BCAS3: variants seen among roughly 807,000 people sequenced by gnomAD.
The protein encoded by BCAS3 is BCAS3 microtubule associated cell migration factor, also known as BCAS4/BCAS3 fusion.
BCAS3 carries 53 observed loss-of-function variants against 116.1 expected under a neutral mutation model. The observed-to-expected ratio is 0.46, with a 90% confidence interval of 0.37 to 0.57. The LOEUF (loss-of-function observed/expected upper bound fraction) is 0.57, where lower values mean the gene tolerates loss of function less well. Ranked by LOEUF, BCAS3 falls within the 20% of genes least tolerant of loss-of-function variation. The pLI, the probability that BCAS3 is intolerant of heterozygous loss-of-function variation, is 0.00. For synonymous variants in BCAS3, 391 were observed against 408.2 expected (o/e 0.96, Z 0.51); for missense variants, 917 against 1,165.4 (o/e 0.79, Z 3.10).
chr17:60,858,198 A>C (rs2053843324), intron 7 of BCAS3, among the ~76,000 whole-genome samples: 1 of 152,218 alleles, frequency 6.6e-6, no homozygotes, highest in Non-Finnish European at 1.5e-5. Flanking sequence ...GTTCAGGCTT[A>C]TACAAGATTC....
At chr17:60,890,282 C>T (rs1377112965) in intron 10 of BCAS3, among the ~76,000 whole-genome samples, 6 of 151,742 alleles carry the variant, frequency 4.0e-5, no homozygotes, top group Admixed American at 2.6e-4. Flanking sequence ...GGTGAAACCC[C>T]GTCTCTACTA....
chr17:61,014,393 C>T (rs886799390), intron 15 of BCAS3, among the ~76,000 whole-genome samples: 1 of 151,988 alleles, frequency 6.6e-6, no homozygotes, highest in Admixed American at 6.6e-5. Flanking sequence ...CAATGGAACA[C>T]ATGGATCAAT....
intron 22 of BCAS3, among the ~76,000 whole-genome samples, chr17:61,238,543 A>G (rs2083247754): frequency 6.6e-6 from 1 of 151,980 alleles, no homozygotes; most frequent in African/African-American, 2.4e-5. Context: ...CTGCTTGACC[A>G]ATTCCATCAT....
chr17:60,878,526 G>A (rs1383405681), intron 9 of BCAS3, among the ~76,000 whole-genome samples: 1 of 152,100 alleles, frequency 6.6e-6, no homozygotes, highest in Non-Finnish European at 1.5e-5. Context: ...ATTTCAACAT[G>A]CACTTAATAT....
chr17:60,742,164 T>G (rs1229555485), intron 5 of BCAS3, among the ~76,000 whole-genome samples: 62 of 152,302 alleles, frequency 4.1e-4, no homozygotes, highest in Admixed American at 4.1e-3. Context: ...AATAATCTTT[T>G]CTACAGAGTG....
At chr17:60,823,944 C>T (rs1268371568) in intron 7 of BCAS3, among the ~76,000 whole-genome samples, 7 of 152,052 alleles carry the variant, frequency 4.6e-5, no homozygotes, top group Non-Finnish European at 2.9e-5. Flanking sequence ...TATTGAATGT[C>T]CCCCTGGAAG....
chr17:61,145,259 C>CTGA lies in BCAS3; in HGVS notation c.2425+60698_2425+60700dup, dbSNP rs1256615093. Among the ~76,000 whole-genome samples the CTGA allele has an allele frequency of 2.6e-5, 4 of 152,220 alleles. No individual in the cohort carries two copies. Among genetic ancestry groups the CTGA allele is most frequent in the Admixed American group, 2.6e-4 (4 of 15,270 alleles). ...CTTGTTTCTGCCGTCTTCACCTTTG[C>CTGA]TGATGGTTCTGCAACTCATCACCAG... On this transcript the variant is annotated intron_variant, in intron 22 of 23. Transcript: ENST00000407086. This position sits in a 1 kb window ranked among gnomAD's most constrained non-coding sequence, Gnocchi z 5.0.
chr17:61,096,922 ACTGT>A (rs1462968566), intron 22 of BCAS3, among the ~76,000 whole-genome samples: 2 of 152,218 alleles, frequency 1.3e-5, no homozygotes, highest in Non-Finnish European at 2.9e-5. Flanking sequence ...GCAGTATCAA[ACTGT>A]CTAACATCTG....
chr17:60,789,409 G>A (rs2046562422), intron 6 of BCAS3, among the ~76,000 whole-genome samples: 1 of 152,156 alleles, frequency 6.6e-6, no homozygotes, highest in Non-Finnish European at 1.5e-5. Context: ...TGTTGCGTGG[G>A]AGAGGAGTTG....
At chr17:61,374,234 G>A (rs943091417) in intron 23 of BCAS3, among the ~76,000 whole-genome samples, 5 of 149,118 alleles carry the variant, frequency 3.4e-5, no homozygotes, top group African/African-American at 5.0e-5. Context: ...GCAGTGGCAC[G>A]ATCTCGGCTC....
intron 6 of BCAS3, among the ~76,000 whole-genome samples, chr17:60,804,270 C>T (rs2048079472): frequency 6.6e-6 from 1 of 151,034 alleles, no homozygotes; most frequent in Non-Finnish European, 1.5e-5. Context: ...ATCATAAGGT[C>T]AGGAGTTCGA....
chr17:60,765,140 A>G (rs1413773987), intron 6 of BCAS3, among the ~76,000 whole-genome samples: 1 of 152,068 alleles, frequency 6.6e-6, no homozygotes, highest in African/African-American at 2.4e-5. Context: ...TTGACTCTCT[A>G]TCCACTTTGC....
Position 60,868,747 on chromosome 17 carries a change from C to T in BCAS3, c.584+64C>T, listed in dbSNP as rs1374772444. The T allele has an allele frequency of 4.1e-6, 4 of 970,584 alleles. No homozygotes were observed. In the East Asian group the frequency reaches 1.1e-4, roughly 26 times the overall value. The allele number at this position is 970,584 out of a possible 1,614,324, so 60.1% of individuals were successfully genotyped here. A position where few individuals can be genotyped will look rare whatever the true frequency, so the allele number is the denominator to read the frequency against. ...AACATGCTCTCCTGGGCATGGAGAA[C>T]TCTACCAGTTTCAATGACTAACTTA... is the stretch of plus-strand genomic sequence containing the variant. On this transcript the variant is annotated intron_variant, in intron 8 of 23. Coordinates refer to ENST00000407086, the MANE Select transcript of BCAS3 (RefSeq NM_017679.5).
chr17:61,260,924 T>A (rs2049150671), intron 22 of BCAS3, among the ~76,000 whole-genome samples: 1 of 152,204 alleles, frequency 6.6e-6, no homozygotes, highest in South Asian at 2.1e-4. Context: ...ACTGTTACAG[T>A]TGAAAAGCAA....
chr17:61,257,725 A>G (rs1174209424), intron 22 of BCAS3, among the ~76,000 whole-genome samples: 3 of 152,218 alleles, frequency 2.0e-5, no homozygotes, highest in East Asian at 3.9e-4. Flanking sequence ...AATTCAAAAT[A>G]TGATTCTTCT....
intron 7 of BCAS3, among the ~76,000 whole-genome samples, chr17:60,835,004 A>G (rs1285191864): frequency 6.6e-6 from 1 of 151,936 alleles, no homozygotes; most frequent in African/African-American, 2.4e-5. Context: ...TCATTAACTA[A>G]AATTTTAATG....
chr17:61,375,035 G>T (rs1212519562), intron 23 of BCAS3, among the ~76,000 whole-genome samples: 1 of 152,180 alleles, frequency 6.6e-6, no homozygotes, highest in East Asian at 1.9e-4. Context: ...CTCTTCCAAA[G>T]ATTTCTGTCA....
In BCAS3 at chr17:61,126,306, A is replaced by C. The variant is rs1344467595; in HGVS notation, c.2425+41742A>C. Among the ~76,000 whole-genome samples the C allele has an allele frequency of 6.6e-6, 1 of 152,124 alleles. No individual in the cohort carries two copies. Among genetic ancestry groups the C allele is most frequent in the East Asian group, 1.9e-4 (1 of 5,190 alleles). ...TGAATTTACATATCACCTTGAGAAAATGTGAGGCAATCCTTTACTGAATTG... is the reference window on the plus strand; with the variant it reads ...TGAATTTACATATCACCTTGAGAAACTGTGAGGCAATCCTTTACTGAATTG... On this transcript the variant is annotated intron_variant, in intron 22 of 23. Coordinates refer to ENST00000407086, the MANE Select transcript of BCAS3 (RefSeq NM_017679.5). This position sits in a 1 kb window ranked among gnomAD's most constrained non-coding sequence, Gnocchi z 4.6.
intron 6 of BCAS3, among the ~76,000 whole-genome samples, chr17:60,804,721 G>A (rs979684984): frequency 1.8e-4 from 27 of 151,990 alleles, no homozygotes; most frequent in African/African-American, 6.0e-4. Flanking sequence ...TTTATCTCAT[G>A]TCTGAGTATA....
Sources: allele counts gnomAD v4.1 joint callset (sites outside exome capture counted in the v4.1 genomes callset), GRCh38; gene constraint gnomAD v4.1.1; non-coding constraint Gnocchi (gnomAD v3.1); transcripts MANE v1.5; gene names NCBI Gene and HGNC (gene_info 2026-07-23, HGNC 2026-07-21).